Variants in ARID5A observed in about 807,000 individuals in gnomAD.
ARID5A encodes the protein AT-rich interactive domain-containing protein 5A.
A neutral mutation model predicts 30.5 loss-of-function variants in ARID5A; 14 were observed. The observed-to-expected ratio is 0.46, with a 90% CI of 0.30 to 0.72. The LOEUF (loss-of-function observed/expected upper bound fraction) is 0.72. ARID5A is among the 30% of genes least tolerant of loss of function. The pLI is 0.07. For missense variants in ARID5A, 669 were observed against 786.2 expected (o/e 0.85, Z 1.78); for synonymous variants, 338 against 340.4 (o/e 0.99, Z 0.08).
rs933063703 is a variant in ARID5A, at chr2:96,552,461, A to G, written c.*148A>G. 6.5e-7 allele frequency: 1 copy of G among 1,542,566 alleles called. No homozygotes were observed. The highest frequency in any genetic ancestry group is 8.7e-7 in the Non-Finnish European group (1 of 1,147,680). Reference sequence around the variant, plus strand: ...GGCAGCCTGGCACAAGTGAAGAAGAAGGCAGTGGGAAAACTGGGTTTATCT... The same window carrying G: ...GGCAGCCTGGCACAAGTGAAGAAGAGGGCAGTGGGAAAACTGGGTTTATCT... On this transcript the variant is annotated 3_prime_UTR_variant, in exon 7 of 7. Coordinates refer to ENST00000357485, the MANE Select transcript of ARID5A (RefSeq NM_212481.3).
chr2:96,551,846 G>A lies in ARID5A; in HGVS notation c.1318G>A (p.Gly440Ser). 1 of 1,598,106 alleles carries A rather than the reference G, an allele frequency of 6.3e-7. No individual in the cohort carries two copies. Among genetic ancestry groups the A allele is most frequent in the Non-Finnish European group, 8.5e-7 (1 of 1,173,232 alleles). Residue 440 changes from glycine to serine, a missense_variant, in exon 7 of 7, where the codon GGC (glycine) becomes AGC (serine). By Grantham distance (56) the Gly-to-Ser change is moderately conservative. Transcript: ENST00000357485. ...TLPPTFPSSP[G>S]LGSKRSLEEE... ...CCCGCCCACCTTCCCCAGTAGCCCAGGCCTGGGCAGCAAGCGCAGCCTGGA... is the reference window on the plus strand; with the variant it reads ...CCCGCCCACCTTCCCCAGTAGCCCAAGCCTGGGCAGCAAGCGCAGCCTGGA...
At chr2:96,541,813 G>C (rs889209798) in intron 1 of ARID5A, among the ~76,000 whole-genome samples, 5 of 152,226 alleles carry the variant, frequency 3.3e-5, no homozygotes, top group African/African-American at 4.8e-5. Flanking sequence ...GTAAGGCATT[G>C]TGCCAGAAAA....
rs1303499589 is a variant in ARID5A at position 96,550,328 on chromosome 2, C to G, written c.410+43C>G. 7.0e-7 allele frequency: 1 copy of G among 1,425,084 alleles called. No individual in the cohort carries two copies. Among genetic ancestry groups the G allele is most frequent in the African/African-American group, 1.5e-5 (1 of 67,662 alleles). 88.3% of individuals were successfully genotyped at this position (1,425,084 alleles called of 1,614,324 possible). On this transcript the variant is annotated intron_variant, in intron 5 of 6. Coordinates refer to ENST00000357485, the MANE Select transcript of ARID5A (RefSeq NM_212481.3). The surrounding 1 kb of genome is among the most constrained non-coding windows in gnomAD (Gnocchi z 6.6). ...CGGGTGCTGGACGCCGCCTACCCTGCGGGGCTTTGGCCGACCTTGCCGGGA... is the reference window on the plus strand; with the variant it reads ...CGGGTGCTGGACGCCGCCTACCCTGGGGGGCTTTGGCCGACCTTGCCGGGA...
chr2:96,538,913 G>C (rs940479939), intron 1 of ARID5A, among the ~76,000 whole-genome samples: 1 of 152,176 alleles, frequency 6.6e-6, no homozygotes, highest in Non-Finnish European at 1.5e-5. Flanking sequence ...AAGGAAAGGG[G>C]TGTGTGCCTC....
intron 2 of ARID5A, among the ~76,000 whole-genome samples, chr2:96,548,411 ATGCACTACCAGGCC>A (rs1001392403): frequency 2.0e-5 from 3 of 152,126 alleles, no homozygotes; most frequent in Non-Finnish European, 4.4e-5. Context: ...GATTACAGGC[ATGCACTACCAGGCC>A]TGGCTAATTT....
intron 2 of ARID5A, among the ~76,000 whole-genome samples, chr2:96,547,978 G>A (rs1313609363): frequency 2.0e-5 from 3 of 152,196 alleles, no homozygotes; most frequent in Non-Finnish European, 4.4e-5. Flanking sequence ...AAAATATCCT[G>A]ATTCATGCAG....
rs753951765 is a variant in ARID5A at position 96,549,588 on chromosome 2, C to T, written c.259+129C>T. The T allele has an allele frequency of 6.8e-7, 1 of 1,479,250 alleles. No homozygotes were observed. Among genetic ancestry groups the T allele is most frequent in the Non-Finnish European group, 9.3e-7 (1 of 1,073,672 alleles). 91.6% of individuals were successfully genotyped at this position (1,479,250 alleles called of 1,614,324 possible). On this transcript the variant is annotated intron_variant, in intron 3 of 6. Transcript: ENST00000357485. The surrounding 1 kb of genome is among the most constrained non-coding windows in gnomAD (Gnocchi z 6.1). ...AGAAAGGAGGCCTCCCTCCAGGCTG[C>T]CACTGGGCCAGGGGTGCACAGGGCA...
Position 96,537,302 on chromosome 2 carries a change from G to A in ARID5A, c.4+472G>A, listed in dbSNP as rs1374983285. The A allele has an allele frequency of 6.5e-6, 1 of 154,998 alleles. No homozygotes were observed. Among genetic ancestry groups the A allele is most frequent in the Non-Finnish European group, 1.4e-5 (1 of 69,972 alleles). 9.6% of individuals were successfully genotyped at this position (154,998 alleles called of 1,614,324 possible). The stretch of plus-strand genomic sequence containing the variant: ...CAGAACCGCGGCGCCGCCGGGCACA[G>A]ACTCCGGGTCCAGAGCGCGCGGCCC... On this transcript the variant is annotated intron_variant, in intron 1 of 6. Transcript: ENST00000357485. The surrounding 1 kb of genome is among the most constrained non-coding windows in gnomAD (Gnocchi z 4.8).
Position 96,550,158 on chromosome 2 carries a change from CG to C in ARID5A, c.313-28del, listed in dbSNP as rs1558619889. On this transcript the variant is annotated intron_variant, in intron 4 of 6. Transcript: ENST00000357485. The surrounding 1 kb of genome is among the most constrained non-coding windows in gnomAD (Gnocchi z 6.6). ...GACCCCGCCGCCAGGGGGCGCCCGCCGGCCGCGCCCTCACGAGGTGCCCTTG... is the reference window on the plus strand; with the variant it reads ...GACCCCGCCGCCAGGGGGCGCCCGCCGCCGCGCCCTCACGAGGTGCCCTTG... The C allele has an allele frequency of 1.3e-6, 2 of 1,531,540 alleles. No individual in the cohort carries two copies. Among genetic ancestry groups the C allele is most frequent in the East Asian group, 4.9e-5 (2 of 40,450 alleles). The allele number at this position is 1,531,540 out of a possible 1,614,324, so 94.9% of individuals were successfully genotyped here. A position where few individuals can be genotyped will look rare whatever the true frequency, so the allele number is the denominator to read the frequency against.
intron 1 of ARID5A, 126 bp downstream of exon 1, chr2:96,536,956 C>A: frequency 8.6e-7 from 1 of 1,156,550 alleles, no homozygotes; most frequent in Non-Finnish European, 1.1e-6. Context: ...GGAGAGGGGC[C>A]CGGGGTGGGT....
In ARID5A at chr2:96,547,511, G is replaced by T. The variant is rs761642785; in HGVS notation, c.114G>T (p.Ser38=). 3 of 1,613,732 alleles carry T rather than the reference G, an allele frequency of 1.9e-6. No individual in the cohort carries two copies. The highest frequency in any genetic ancestry group is 1.3e-5 in the African/African-American group (1 of 74,984). ...GKQNGIQNPI[S]LEDSPEAGGE... is the part of the protein sequence containing the mutation. ...AGAACGGAATCCAGAACCCCATCTC[G>T]CTGGAGGTGAGTTGACTCCCTCTGC... Residue 38 remains serine, a synonymous_variant, in exon 2 of 7, where the codon TCG becomes TCT. Coordinates refer to ENST00000357485, the MANE Select transcript of ARID5A (RefSeq NM_212481.3).
chr2:96,552,627 T>C lies in ARID5A; in HGVS notation c.*314T>C, dbSNP rs1412851120. On this transcript the variant is annotated 3_prime_UTR_variant, in exon 7 of 7. Coordinates refer to ENST00000357485, the MANE Select transcript of ARID5A (RefSeq NM_212481.3). ...AAAATCCAATAAAAAGACACCAGTG[T>C]GAATCCACGTAGCCCTGAGGTGTGT... is the stretch of plus-strand genomic sequence containing the variant. The C allele has an allele frequency of 7.2e-7, 1 of 1,396,390 alleles. No homozygotes were observed. Among genetic ancestry groups the C allele is most frequent in the Admixed American group, 2.5e-5 (1 of 39,252 alleles). 86.5% of individuals were successfully genotyped at this position (1,396,390 alleles called of 1,614,324 possible).
In ARID5A at chr2:96,550,872, T is replaced by G. The variant is rs916608485; in HGVS notation, c.570+139T>G. 1 of 1,309,240 alleles carries G rather than the reference T, an allele frequency of 7.6e-7. No individual in the cohort carries two copies. Among genetic ancestry groups the G allele is most frequent in the African/African-American group, 1.5e-5 (1 of 66,942 alleles). 81.1% of individuals were successfully genotyped at this position (1,309,240 alleles called of 1,614,324 possible). A position where few individuals can be genotyped will look rare whatever the true frequency, so the allele number is the denominator to read the frequency against. On this transcript the variant is annotated intron_variant, in intron 6 of 6. Transcript: ENST00000357485. This position sits in a 1 kb window ranked among gnomAD's most constrained non-coding sequence, Gnocchi z 6.6. ...GGGCGGGACTTGCAAGGTTCCAGGT[T>G]CTCCACAGATGGTTGTGCAAGTGGA...
chr2:96,551,140 A>G lies in ARID5A; in HGVS notation c.612A>G (p.Ala204=), dbSNP rs907772451. ...CCAAAGCAGATGCTGCTGACCCAGC[A>G]CCACTTCCCAGCCAGGAGCCCCCCA... ...GKTKADAADP[A]PLPSQEPPRN... The change falls in exon 7 of 7, where the codon GCA becomes GCG. Residue 204 remains alanine (A), a synonymous_variant. Coordinates refer to ENST00000357485, the MANE Select transcript of ARID5A (RefSeq NM_212481.3). 1.2e-6 allele frequency: 2 copies of G among 1,613,620 alleles called. No individual in the cohort carries two copies. Among genetic ancestry groups the G allele is most frequent in the Non-Finnish European group, 1.7e-6 (2 of 1,179,876 alleles).
In ARID5A at chr2:96,549,744, C is replaced by T; in HGVS notation, c.260-9C>T. On this transcript the variant is annotated splice_polypyrimidine_tract_variant and intron_variant, in intron 3 of 6. Coordinates refer to ENST00000357485, the MANE Select transcript of ARID5A (RefSeq NM_212481.3). This position sits in a 1 kb window ranked among gnomAD's most constrained non-coding sequence, Gnocchi z 6.1. ...AGACTGACGGCCAGCCTGCTCTTCT[C>T]TCCCCCAGTTAACCTGTGGAAGATC... 1 of 1,613,982 alleles carries T rather than the reference C, an allele frequency of 6.2e-7. No individual in the cohort carries two copies. The highest frequency in any genetic ancestry group is 8.5e-7 in the Non-Finnish European group (1 of 1,179,978).
At position 96,549,866 on chromosome 2, in the gene ARID5A, C is replaced by T. The variant is rs1200088448; in HGVS notation, c.312+61C>T. 1.3e-6 allele frequency: 2 copies of T among 1,580,070 alleles called. No individual in the cohort carries two copies. The highest frequency in any genetic ancestry group is 2.4e-5 in the South Asian group (2 of 85,038). On this transcript the variant is annotated intron_variant, in intron 4 of 6. Coordinates refer to ENST00000357485, the MANE Select transcript of ARID5A (RefSeq NM_212481.3). The surrounding 1 kb of genome is among the most constrained non-coding windows in gnomAD (Gnocchi z 6.1). ...ATATCCCTGGGGTGAGCCTGCAGCG[C>T]TGTCCTTGCCTCTGGACAGAGGAAG...
In ARID5A at chr2:96,549,421, C is replaced by T. The variant is rs1193965612; in HGVS notation, c.221C>T (p.Thr74Met). The change falls in exon 3 of 7, where the codon ACG becomes ATG. Residue 74 changes from threonine to methionine, a missense_variant. This residue lies in a region of ARID5A where 64 missense variants were observed against 119.7 expected (regional missense o/e 0.53). Transcript: ENST00000357485. The surrounding 1 kb of genome is among the most constrained non-coding windows in gnomAD (Gnocchi z 6.1). ...TACAAGTTCATGAAGGAGCGACACACGCCCATCGAGAGGGTGCCCCATCTC... is the reference window on the plus strand; with the variant it reads ...TACAAGTTCATGAAGGAGCGACACATGCCCATCGAGAGGGTGCCCCATCTC... ...SLYKFMKERH[T>M]PIERVPHLGF... 1.9e-6 allele frequency: 3 copies of T among 1,613,826 alleles called. No homozygotes were observed. The highest frequency in any genetic ancestry group is 2.5e-6 in the Non-Finnish European group (3 of 1,179,956).
chr2:96,548,292 G>C (rs527579125), intron 2 of ARID5A, among the ~76,000 whole-genome samples: 4 of 151,838 alleles, frequency 2.6e-5, no homozygotes, highest in Middle Eastern at 3.4e-3. Context: ...TTTTTAGACA[G>C]AGTCTCACTG....
intron 1 of ARID5A, among the ~76,000 whole-genome samples, chr2:96,546,357 C>T (rs2065928506): frequency 6.6e-6 from 1 of 152,266 alleles, no homozygotes; most frequent in Admixed American, 6.5e-5. Context: ...GTATCTGCTG[C>T]CAGCCTGCTG....
Sources: gnomAD v4.1 joint callset for allele counts (sites outside exome capture counted in the v4.1 genomes callset) on GRCh38, gnomAD v4.1.1 for gene constraint, gnomAD v4.1.1 regional missense constraint, Gnocchi (gnomAD v3.1) non-coding constraint, MANE v1.5 for transcripts, NCBI Gene and HGNC (gene_info 2026-07-23, HGNC 2026-07-21) for gene names.